Variants in SNX13 observed in about 807,000 individuals in gnomAD.
SNX13 encodes the protein sorting nexin-13.
Under a neutral mutation model 133.6 loss-of-function variants are expected in SNX13, and 45 were observed. The observed-to-expected ratio is 0.34, with a 90% CI of 0.27 to 0.43. The LOEUF (loss-of-function observed/expected upper bound fraction) is 0.43. SNX13 is among the 20% of genes least tolerant of loss of function. The pLI is 1.00. For synonymous variants in SNX13, 414 were observed against 373.9 expected (o/e 1.11, Z -1.24); for missense variants, 1,032 against 1,145.1 (o/e 0.90, Z 1.43).
chr7:17,851,762 T>C (rs1791241384), intron 9 of SNX13, among the ~76,000 whole-genome samples: 2 of 150,476 alleles, frequency 1.3e-5, no homozygotes, highest in South Asian at 4.2e-4. Flanking sequence ...TATGAGGGTG[T>C]TTTTGGCAAA....
At chr7:17,903,543 A>C (rs1200979821) in intron 1 of SNX13, among the ~76,000 whole-genome samples, 22 of 152,258 alleles carry the variant, frequency 1.4e-4, no homozygotes. Flanking sequence ...TCATTTCCTC[A>C]CCTATGTCAT....
At chr7:17,913,234 A>C (rs1799191527) in intron 1 of SNX13, among the ~76,000 whole-genome samples, 1 of 152,170 alleles carries the variant, frequency 6.6e-6, no homozygotes, top group African/African-American at 2.4e-5. Flanking sequence ...GACCACCAAA[A>C]TCTGGGAATG....
At chr7:17,908,595 A>G (rs1484809607) in intron 1 of SNX13, among the ~76,000 whole-genome samples, 3 of 152,204 alleles carry the variant, frequency 2.0e-5, no homozygotes, top group Non-Finnish European at 4.4e-5. Context: ...ACAATTCTAC[A>G]ATAGTTATTT....
rs1423392118 is a variant in SNX13, at chr7:17,792,671, G to A, written c.*1374C>T. 2.0e-5 allele frequency: 3 copies of A among 152,112 alleles called. No homozygotes were observed. The highest frequency in any genetic ancestry group is 3.9e-4 in the East Asian group (2 of 5,178). The allele number at this position is 152,112 out of a possible 1,614,324, so 9.4% of individuals were successfully genotyped here. On this transcript the variant is annotated 3_prime_UTR_variant, in exon 26 of 26. Coordinates refer to ENST00000428135, the MANE Select transcript of SNX13 (RefSeq NM_015132.5). ...CTGATAAGTAGCTTCATTATTTTAAGGTTTTAGTGTTAAATATTTTTAAAA... is the reference window on the plus strand; with the variant it reads ...CTGATAAGTAGCTTCATTATTTTAAAGTTTTAGTGTTAAATATTTTTAAAA...
At chr7:17,935,758 A>C (rs940041347) in intron 1 of SNX13, among the ~76,000 whole-genome samples, 1 of 152,194 alleles carries the variant, frequency 6.6e-6, no homozygotes, top group Non-Finnish European at 1.5e-5. Flanking sequence ...CTCCCGTTAT[A>C]AAATCCCTTT....
chr7:17,856,603 C>A (rs1217289560), intron 9 of SNX13, among the ~76,000 whole-genome samples: 2 of 151,464 alleles, frequency 1.3e-5, no homozygotes, highest in Non-Finnish European at 2.9e-5. Flanking sequence ...ACCAGCTGGG[C>A]AACATAGTAA....
chr7:17,898,068 T>A (rs559260169), intron 1 of SNX13: 2 of 151,002 alleles, frequency 1.3e-5, no homozygotes, highest in African/African-American at 2.4e-5. Context: ...CCAAAAAGTA[T>A]CCATACATTA....
At chr7:17,906,341 C>A (rs189680872) in intron 1 of SNX13, among the ~76,000 whole-genome samples, 91 of 152,152 alleles carry the variant, frequency 6.0e-4, no homozygotes, top group African/African-American at 2.1e-3. Context: ...CATCTCATAG[C>A]TTTTATCATC....
intron 11 of SNX13, among the ~76,000 whole-genome samples, chr7:17,848,659 T>C (rs1440656071): frequency 6.6e-6 from 1 of 152,118 alleles, no homozygotes; most frequent in African/African-American, 2.4e-5. Context: ...GGGTGCTCCC[T>C]CTCGCGAGGG....
In SNX13 at chr7:17,845,607, G is replaced by T; in HGVS notation, c.1153C>A (p.Gln385Lys). ...DSILVDNVALQFFMDYMQQTG... is the reference protein window; with the variant it reads ...DSILVDNVALKFFMDYMQQTG... ...TTGATCTACCTACCCATAAAAAATT[G>T]TAGTGCAACATTGTCTACAAGAATG... Residue 385 changes from glutamine to lysine, a missense_variant, in exon 12 of 26, where the codon CAA (glutamine) becomes AAA (lysine). Physicochemically the swap from Gln to Lys is moderately conservative, Grantham distance 53. Transcript: ENST00000428135. The T allele has an allele frequency of 6.3e-7, 1 of 1,586,204 alleles. No individual in the cohort carries two copies. The highest frequency in any genetic ancestry group is 8.6e-7 in the Non-Finnish European group (1 of 1,168,342).
At chr7:17,921,644 A>G (rs1171528337) in intron 1 of SNX13, among the ~76,000 whole-genome samples, 4 of 152,180 alleles carry the variant, frequency 2.6e-5, no homozygotes, top group Non-Finnish European at 4.4e-5. Context: ...ATTCCTGCCC[A>G]TTAGCATTAC....
At chr7:17,850,710 TTTAA>T (rs1418865809) in intron 10 of SNX13, 112 bp downstream of exon 10, 3 of 859,920 alleles carry the variant, frequency 3.5e-6, no homozygotes, top group Non-Finnish European at 5.0e-6. Context: ...ATAAGGAAGA[TTTAA>T]TTAAGGTGAA....
In SNX13 at chr7:17,895,367, C is replaced by T. The variant is rs533796503; in HGVS notation, c.126-1933G>A. On this transcript the variant is annotated intron_variant, in intron 2 of 25. Transcript: ENST00000428135. Reference sequence around the variant, plus strand: ...TGAAAGTATCCTACAACAACAAAAACGAAAAATCCCCAAGTGTTTTTCTTT... The same window carrying T: ...TGAAAGTATCCTACAACAACAAAAATGAAAAATCCCCAAGTGTTTTTCTTT... 6.6e-5 allele frequency among the ~76,000 whole-genome samples: 10 copies of T among 152,102 alleles called. 1 individual carries two copies. Among genetic ancestry groups the T allele is most frequent in the African/African-American group, 1.2e-4 (5 of 41,506 alleles).
Position 17,897,388 on chromosome 7 carries a change from A to G in SNX13, c.71T>C (p.Phe24Ser), listed in dbSNP as rs1456143091. ...CAAATAAAATATTACAAAGGGTCCA[A>G]AGGTTATCAGAAAAAGGACAATGCC... ...SLGIVLFLIT[F>S]GPFVIFYLTF... Residue 24 changes from phenylalanine (F) to serine (S), a missense_variant, in exon 2 of 26, where the codon TTT becomes TCT. Phe to Ser is a radical substitution (Grantham distance 155, BLOSUM62 -2). Coordinates refer to ENST00000428135, the MANE Select transcript of SNX13 (RefSeq NM_015132.5). 6.2e-7 allele frequency: 1 copy of G among 1,605,886 alleles called. No homozygotes were observed. Among genetic ancestry groups the G allele is most frequent in the Admixed American group, 1.7e-5 (1 of 59,316 alleles).
At chr7:17,852,731 T>C (rs1791382592) in intron 9 of SNX13, among the ~76,000 whole-genome samples, 1 of 152,110 alleles carries the variant, frequency 6.6e-6, no homozygotes, top group African/African-American at 2.4e-5. Flanking sequence ...AATGATCATA[T>C]AAAGAGTGAA....
intron 1 of SNX13, among the ~76,000 whole-genome samples, chr7:17,909,956 C>T (rs1243650612): frequency 6.6e-6 from 1 of 152,106 alleles, no homozygotes; most frequent in Admixed American, 6.5e-5. Context: ...AAATATAATA[C>T]AAGAAATTGT....
In SNX13 at chr7:17,794,228, C is replaced by G; in HGVS notation, c.2691G>C (p.Met897Ile). The G allele has an allele frequency of 6.2e-7, 1 of 1,611,620 alleles. No individual in the cohort carries two copies. The highest frequency in any genetic ancestry group is 1.1e-5 in the South Asian group (1 of 90,942). Reference protein sequence around the residue: ...TRKGILRVFEMFQHNQLNRRM... With the variant: ...TRKGILRVFEIFQHNQLNRRM... ...TCCTATTTAATTGGTTGTGCTGAAACATTTCAAAAACACGAAGAATACCTT... is the reference window on the plus strand; with the variant it reads ...TCCTATTTAATTGGTTGTGCTGAAAGATTTCAAAAACACGAAGAATACCTT... Residue 897 changes from methionine to isoleucine, a missense_variant, in exon 26 of 26, where the codon ATG becomes ATC. Physicochemically the swap from Met to Ile is conservative, Grantham distance 10 (BLOSUM62 1). Transcript: ENST00000428135.
At chr7:17,839,310 T>A (rs1208785855) in intron 13 of SNX13, among the ~76,000 whole-genome samples, 1 of 151,304 alleles carries the variant, frequency 6.6e-6, no homozygotes, top group South Asian at 2.1e-4. Flanking sequence ...CCTTGATGTT[T>A]TTCTATCTAA....
intron 20 of SNX13, among the ~76,000 whole-genome samples, chr7:17,808,215 C>A (rs2462512): frequency 0.57 from 86,101 of 151,740 alleles, 24,934 homozygotes; most frequent in East Asian, 0.72. Context: ...CCTTGAAAAA[C>A]AGCTGAATTG....
Sources: allele counts gnomAD v4.1 joint callset (sites outside exome capture counted in the v4.1 genomes callset), GRCh38; gene constraint gnomAD v4.1.1; transcripts MANE v1.5; gene names NCBI Gene and HGNC (gene_info 2026-07-23, HGNC 2026-07-21).